SLC25A20: variants seen among roughly 807,000 people sequenced by gnomAD.
SLC25A20 encodes solute carrier family 25 member 20, also known as mitochondrial carnitine/acylcarnitine carrier protein.
In SLC25A20, 29 loss-of-function variants were observed where a neutral mutation model predicts 39.7. The observed-to-expected ratio is 0.73, with a 90% CI of 0.54 to 1.00. The LOEUF is 1.00. Ranked by LOEUF, SLC25A20 falls within the 50% of genes least tolerant of loss-of-function variation. SLC25A20 has a pLI of 0.00. For missense variants in SLC25A20, 333 were observed against 379.9 expected, an observed-to-expected ratio of 0.88 and a Z score of 1.03; for synonymous variants, 103 against 142.2, an observed-to-expected ratio of 0.72 and a Z score of 1.96.
intron 5 of SLC25A20, among the ~76,000 whole-genome samples, chr3:48,861,556 ATC>A (rs1352102242): frequency 1.4e-4 from 22 of 151,948 alleles, no homozygotes; most frequent in African/African-American, 4.1e-4. Flanking sequence ...GTGAAACCCT[ATC>A]TCTGCTAAAA....
intron 8 of SLC25A20, 63 bp downstream of exon 8, chr3:48,858,444 G>C: frequency 6.2e-7 from 1 of 1,611,660 alleles, no homozygotes; most frequent in East Asian, 2.2e-5. Context: ...ACAAGCAAAA[G>C]TCAAACCACA....
intron 4 of SLC25A20, among the ~76,000 whole-genome samples, chr3:48,868,838 CAG>C (rs1223051311): frequency 6.6e-6 from 1 of 152,144 alleles, no homozygotes; most frequent in Non-Finnish European, 1.5e-5. Flanking sequence ...AGCGTGGAGT[CAG>C]AGAAAGCCAA....
intron 5 of SLC25A20, among the ~76,000 whole-genome samples, chr3:48,862,202 A>G (rs1246948293): frequency 6.6e-6 from 1 of 152,060 alleles, no homozygotes; most frequent in African/African-American, 2.4e-5. Flanking sequence ...TACTGCCACT[A>G]TAACAGGACA....
At chr3:48,861,776 C>A (rs1003582138) in intron 5 of SLC25A20, among the ~76,000 whole-genome samples, 1 of 149,222 alleles carries the variant, frequency 6.7e-6, no homozygotes, top group Non-Finnish European at 1.5e-5. Flanking sequence ...CCAGTAATCC[C>A]GGCACCTTGG....
chr3:48,862,405 T>C, intron 5 of SLC25A20, 137 bp downstream of exon 5: 1 of 730,030 alleles, frequency 1.4e-6, no homozygotes, highest in East Asian at 2.6e-5. Context: ...CAGGGGGAGA[T>C]GCTTACTGCC....
At chr3:48,883,349 T>G (rs1026544362) in intron 3 of SLC25A20, among the ~76,000 whole-genome samples, 6 of 151,752 alleles carry the variant, frequency 4.0e-5, no homozygotes, top group Non-Finnish European at 8.8e-5. Context: ...GGTCAGGAGA[T>G]CGTGACCAGC....
chr3:48,883,907 A>G, intron 3 of SLC25A20, 90 bp downstream of exon 3: 2 of 1,499,122 alleles, frequency 1.3e-6, no homozygotes, highest in Non-Finnish European at 1.8e-6. Context: ...TACAGGTATG[A>G]GCCACCGCGC....
chr3:48,880,242 C>T (rs957664063), intron 3 of SLC25A20, among the ~76,000 whole-genome samples: 3 of 152,092 alleles, frequency 2.0e-5, no homozygotes, highest in Non-Finnish European at 4.4e-5. Context: ...GTCTGTGCCA[C>T]CTCTGGCATC....
intron 4 of SLC25A20, among the ~76,000 whole-genome samples, chr3:48,871,986 T>A (rs1227503126): frequency 7.5e-6 from 1 of 133,440 alleles, no homozygotes; most frequent in Non-Finnish European, 1.6e-5. Flanking sequence ...CAGCTAATTT[T>A]TTTTTTTTTT....
At chr3:48,869,611 T>C (rs983537119) in intron 4 of SLC25A20, among the ~76,000 whole-genome samples, 3 of 152,112 alleles carry the variant, frequency 2.0e-5, no homozygotes, top group Non-Finnish European at 4.4e-5. Flanking sequence ...GATCACTTGA[T>C]CCCAGGAGTT....
rs557524729 is a variant in SLC25A20 at position 48,888,936 on chromosome 3, T to C, written c.198+3044A>G. On this transcript the variant is annotated intron_variant, in intron 2 of 8. Coordinates refer to ENST00000319017, the MANE Select transcript of SLC25A20 (RefSeq NM_000387.6). The stretch of plus-strand genomic sequence containing the variant: ...CCTGTCTCTACTAAATATACAAAAT[T>C]AGCCAGGCATGGTGGTGCATGCCTA... Among the ~76,000 whole-genome samples the C allele has an allele frequency of 2.6e-5, 4 of 151,692 alleles. No individual in the cohort carries two copies. In the East Asian group the frequency reaches 7.8e-4, roughly 30 times the overall value.
At chr3:48,880,897 C>A (rs2083791179) in intron 3 of SLC25A20, among the ~76,000 whole-genome samples, 1 of 152,082 alleles carries the variant, frequency 6.6e-6, no homozygotes, top group African/African-American at 2.4e-5. Flanking sequence ...ATTAGCAATA[C>A]CAGCACGGTT....
rs770066558 is a variant in SLC25A20, at chr3:48,883,974, GC to G, written c.326+22del. On this transcript the variant is annotated intron_variant, in intron 3 of 8. Coordinates refer to ENST00000319017, the MANE Select transcript of SLC25A20 (RefSeq NM_000387.6). ...CACGCTACCAGGCAGAACAGCAAGT[GC>G]TCCTGACCTGTAAGTACTCACCTGA... 4 of 1,611,978 alleles carry G rather than the reference GC, an allele frequency of 2.5e-6. No homozygotes were observed. The African/African-American group carries it at 5.3e-5, about 22-fold the overall frequency.
intron 7 of SLC25A20, among the ~76,000 whole-genome samples, chr3:48,858,832 T>C (rs934927476): frequency 6.6e-6 from 1 of 152,150 alleles, no homozygotes; most frequent in Non-Finnish European, 1.5e-5. Context: ...GGAAGAAGAA[T>C]GAAACAGCCC....
At chr3:48,878,259 C>T (rs1361356032) in intron 4 of SLC25A20, among the ~76,000 whole-genome samples, 9 of 76,582 alleles carry the variant, frequency 1.2e-4, no homozygotes, top group African/African-American at 5.3e-4. Context: ...GACTCCATCT[C>T]CACAAAAAAA....
At position 48,891,998 on chromosome 3, in the gene SLC25A20, C is replaced by T; in HGVS notation, c.180G>A (p.Arg60=). ...PMYSGTFDCF[R]KTLFREGITG... The stretch of plus-strand genomic sequence containing the variant: ...TACCAACCTCTCTAAAAAGAGTCTT[C>T]CGGAAACAGTCAAAGGTCCCAGAGT... Residue 60 remains arginine, a synonymous_variant, in exon 2 of 9, where the codon CGG becomes CGA. Transcript: ENST00000319017. 1 of 1,613,870 alleles carries T rather than the reference C, an allele frequency of 6.2e-7. No individual in the cohort carries two copies. The highest frequency in any genetic ancestry group is 8.5e-7 in the Non-Finnish European group (1 of 1,179,814).
intron 3 of SLC25A20, among the ~76,000 whole-genome samples, chr3:48,882,810 G>C (rs1228621041): frequency 6.6e-6 from 1 of 151,710 alleles, no homozygotes; most frequent in African/African-American, 2.4e-5. Flanking sequence ...AATCACTTGA[G>C]CCCAGGAGTT....
intron 6 of SLC25A20, among the ~76,000 whole-genome samples, 165 bp downstream of exon 6, chr3:48,859,390 G>A (rs1559663266): frequency 6.6e-6 from 1 of 152,168 alleles, no homozygotes; most frequent in Non-Finnish European, 1.5e-5. Flanking sequence ...TTGCTCCACT[G>A]GCTGAGGCAC....
At chr3:48,877,983 C>A (rs1478039046) in intron 4 of SLC25A20, among the ~76,000 whole-genome samples, 1 of 151,934 alleles carries the variant, frequency 6.6e-6, no homozygotes, top group East Asian at 1.9e-4. Context: ...TTGAAATAGT[C>A]CAGGCGCGGT....
Sources: gnomAD v4.1 joint callset for allele counts (sites outside exome capture counted in the v4.1 genomes callset) on GRCh38, gnomAD v4.1.1 for gene constraint, MANE v1.5 for transcripts, NCBI Gene and HGNC (gene_info 2026-07-23, HGNC 2026-07-21) for gene names.